LINGO2: variants seen among roughly 807,000 people sequenced by gnomAD.
LINGO2 encodes leucine-rich repeat and immunoglobulin-like domain-containing nogo receptor-interacting protein 2.
Under a neutral mutation model 30.6 loss-of-function variants are expected in LINGO2, and 14 were observed. The ratio of observed to expected loss-of-function variants is 0.46; its 90% confidence interval spans 0.30 to 0.72. The LOEUF (loss-of-function observed/expected upper bound fraction) is 0.72. LINGO2 is among the 30% of genes least tolerant of loss of function. LINGO2 has a pLI of 0.07. For synonymous variants in LINGO2, 317 were observed against 288.5 expected (o/e 1.10, Z -1.00); for missense variants, 729 against 751.7 (o/e 0.97, Z 0.35).
At chr9:27,958,514 A>G (rs1819685822) in intron 5 of LINGO2, among the ~76,000 whole-genome samples, 1 of 152,096 alleles carries the variant, frequency 6.6e-6, no homozygotes, top group East Asian at 1.9e-4. Flanking sequence ...GTGGTCCAAA[A>G]TCAGGTGAGT....
intron 4 of LINGO2, among the ~76,000 whole-genome samples, chr9:28,223,703 G>T (rs1821045614): frequency 6.6e-6 from 1 of 152,116 alleles, no homozygotes; most frequent in Non-Finnish European, 1.5e-5. Context: ...AACAGAGAGT[G>T]GGAGACAAAG....
At chr9:28,494,256 T>C (rs1336040793) in intron 1 of LINGO2, among the ~76,000 whole-genome samples, 1 of 152,154 alleles carries the variant, frequency 6.6e-6, no homozygotes, top group African/African-American at 2.4e-5. Flanking sequence ...CTAGGGTACA[T>C]GTACACAACT....
chr9:28,507,512 C>T (rs1448929708), intron 1 of LINGO2, among the ~76,000 whole-genome samples: 2 of 152,072 alleles, frequency 1.3e-5, no homozygotes, highest in African/African-American at 2.4e-5. Flanking sequence ...ATGTGCAAAA[C>T]TGAATTCCTG....
At chr9:28,496,715 T>C (rs1174019238) in intron 1 of LINGO2, among the ~76,000 whole-genome samples, 1 of 152,162 alleles carries the variant, frequency 6.6e-6, no homozygotes, top group Non-Finnish European at 1.5e-5. Context: ...TGTTAGCTGG[T>C]TATTTTGCTC....
the LINGO2 span, chr9:27,939,413 C>T: frequency 6.6e-6 from 1 of 152,218 alleles, no homozygotes; most frequent in African/African-American, 2.4e-5. Context: ...TACAGAACTG[C>T]CATGAAGAGC....
the LINGO2 span, among the ~76,000 whole-genome samples, chr9:28,895,539 T>A: frequency 6.6e-6 from 1 of 152,188 alleles, no homozygotes; most frequent in African/African-American, 2.4e-5. Context: ...TACGTAATCT[T>A]CCTCATTTTT....
chr9:28,756,357 T>C, the LINGO2 span, among the ~76,000 whole-genome samples: 2 of 151,970 alleles, frequency 1.3e-5, no homozygotes. Context: ...ATGTGTCTTG[T>C]AAGTAATTAA....
At chr9:29,109,681 G>A in the LINGO2 span, among the ~76,000 whole-genome samples, 3 of 152,166 alleles carry the variant, frequency 2.0e-5, no homozygotes, top group Admixed American at 1.3e-4. Flanking sequence ...ATGAGCCTAG[G>A]TAGCCATATA....
At chr9:29,057,422 T>G in the LINGO2 span, among the ~76,000 whole-genome samples, 4 of 152,298 alleles carry the variant, frequency 2.6e-5, no homozygotes, top group African/African-American at 9.6e-5. Flanking sequence ...GAATGATTTT[T>G]GGATATTGGC....
chr9:28,877,079 C>T, the LINGO2 span, among the ~76,000 whole-genome samples: 4 of 150,388 alleles, frequency 2.7e-5, no homozygotes, highest in African/African-American at 9.9e-5. Flanking sequence ...ATGTCCTTCA[C>T]CCACTTTTTG....
chr9:28,933,944 C>T, the LINGO2 span, among the ~76,000 whole-genome samples: 38 of 152,224 alleles, frequency 2.5e-4, 1 homozygote, highest in African/African-American at 9.1e-4. Flanking sequence ...ATGATCTATT[C>T]CTAAAATAAA....
At chr9:28,645,677 G>T (rs2135951457) in intron 1 of LINGO2, among the ~76,000 whole-genome samples, 1 of 152,216 alleles carries the variant, frequency 6.6e-6, no homozygotes, top group African/African-American at 2.4e-5. Context: ...TGTGTTAGAA[G>T]ACATACTAAG....
At chr9:28,294,486 TC>T (rs781214190) in intron 4 of LINGO2, among the ~76,000 whole-genome samples, 1 of 152,354 alleles carries the variant, frequency 6.6e-6, no homozygotes, top group East Asian at 1.9e-4. Flanking sequence ...GCTTGTAGTT[TC>T]TTCAGGTAAT....
chr9:28,930,572 A>G, the LINGO2 span, among the ~76,000 whole-genome samples: 1 of 152,178 alleles, frequency 6.6e-6, no homozygotes, highest in Non-Finnish European at 1.5e-5. The surrounding 1 kb of genome is among the most constrained non-coding windows in gnomAD (Gnocchi z 4.2). Context: ...ATTTGACCCG[A>G]CCAGTTCTTC....
intron 2 of LINGO2, among the ~76,000 whole-genome samples, chr9:28,473,085 T>G (rs755829043): frequency 6.6e-6 from 1 of 152,178 alleles, no homozygotes; most frequent in East Asian, 1.9e-4. Flanking sequence ...TTTGCTTTAA[T>G]GGTCTTGTTA....
At chr9:28,019,704 T>C (rs540980148) in intron 4 of LINGO2, among the ~76,000 whole-genome samples, 7 of 152,272 alleles carry the variant, frequency 4.6e-5, no homozygotes, top group East Asian at 1.9e-4. Flanking sequence ...ACCATTCTAT[T>C]TTTTCATTAG....
At chr9:28,655,637 T>C (rs1309282881) in intron 1 of LINGO2, among the ~76,000 whole-genome samples, 2 of 152,048 alleles carry the variant, frequency 1.3e-5, no homozygotes, top group South Asian at 4.1e-4. Flanking sequence ...CAAGTGGAGA[T>C]AATTGCATCA....
At chr9:29,015,838 T>C in the LINGO2 span, among the ~76,000 whole-genome samples, 1 of 152,206 alleles carries the variant, frequency 6.6e-6, no homozygotes, top group Non-Finnish European at 1.5e-5. Context: ...AAACTGTCTA[T>C]GAAACATTTT....
At chr9:29,083,751 T>A in the LINGO2 span, among the ~76,000 whole-genome samples, 5 of 152,062 alleles carry the variant, frequency 3.3e-5, no homozygotes, top group Non-Finnish European at 7.4e-5. Flanking sequence ...GTGCTTTGGA[T>A]TAGTTTGTAA....
Sources: allele counts gnomAD v4.1 joint callset (sites outside exome capture counted in the v4.1 genomes callset), GRCh38; gene constraint gnomAD v4.1.1; non-coding constraint Gnocchi (gnomAD v3.1); transcripts MANE v1.5; gene names NCBI Gene and HGNC (gene_info 2026-07-23, HGNC 2026-07-21).